The following RBMS3 variants were observed in gnomAD, a reference collection of about 807,000 sequenced individuals.
The protein encoded by RBMS3 is RNA binding motif single stranded interacting protein 3.
In RBMS3, 27 loss-of-function variants were observed where a neutral mutation model predicts 66.8. The ratio of observed to expected loss-of-function variants is 0.40; its 90% CI spans 0.30 to 0.56. The LOEUF (loss-of-function observed/expected upper bound fraction) is 0.56, where lower values mean the gene tolerates loss of function less well. Among genes scored for constraint, RBMS3 ranks in the 20% least tolerant of loss-of-function variants. RBMS3 has a pLI of 0.40. For missense variants in RBMS3, 513 were observed against 549.5 expected (o/e 0.93, Z 0.66); for synonymous variants, 188 against 183.0 (o/e 1.03, Z -0.22).
At chr3:29,360,025 GT>G (rs1168508979) in intron 1 of RBMS3, among the ~76,000 whole-genome samples, 2 of 151,704 alleles carry the variant, frequency 1.3e-5, no homozygotes, top group African/African-American at 2.4e-5. Flanking sequence ...TTTTGGAAGG[GT>G]TTTTTTTGTC....
intron 2 of RBMS3, among the ~76,000 whole-genome samples, chr3:29,453,705 G>A (rs146325587): frequency 6.6e-6 from 1 of 152,318 alleles, no homozygotes; most frequent in Non-Finnish European, 1.5e-5. Context: ...CTTGGCAGCT[G>A]TGGCTGACAC....
At chr3:29,676,315 A>G (rs2051248980) in intron 4 of RBMS3, among the ~76,000 whole-genome samples, 1 of 152,188 alleles carries the variant, frequency 6.6e-6, no homozygotes, top group Non-Finnish European at 1.5e-5. Flanking sequence ...TAGGAGAAAT[A>G]CCTGATGTAA....
intron 4 of RBMS3, among the ~76,000 whole-genome samples, chr3:29,652,775 C>T (rs2050190893): frequency 6.6e-6 from 1 of 151,994 alleles, no homozygotes; most frequent in Non-Finnish European, 1.5e-5. Context: ...ATCTTTTTAC[C>T]AAGCCACATG....
chr3:29,748,736 C>T (rs984157416), intron 5 of RBMS3, among the ~76,000 whole-genome samples: 2 of 152,140 alleles, frequency 1.3e-5, no homozygotes, highest in South Asian at 4.1e-4. Context: ...TGAGTTTTCT[C>T]ATTTCCCTCC....
chr3:29,373,655 C>A (rs2038320382), intron 1 of RBMS3, among the ~76,000 whole-genome samples: 1 of 152,154 alleles, frequency 6.6e-6, no homozygotes. Flanking sequence ...ACCAAGCAAA[C>A]AAGTAGCAAG....
At chr3:29,697,690 T>C (rs2052343894) in intron 4 of RBMS3, among the ~76,000 whole-genome samples, 1 of 152,260 alleles carries the variant, frequency 6.6e-6, no homozygotes, top group Admixed American at 6.5e-5. Context: ...AGTTTGTTTA[T>C]GTTTCATATA....
chr3:29,590,970 C>A (rs911165616), intron 4 of RBMS3, among the ~76,000 whole-genome samples: 1 of 152,066 alleles, frequency 6.6e-6, no homozygotes, highest in Non-Finnish European at 1.5e-5. Context: ...GATGAAGGAG[C>A]AGTATGGCTG....
At chr3:29,868,753 T>C in intron 6 of RBMS3, 105 bp from the exon 7 acceptor site, 2 of 992,364 alleles carry the variant, frequency 2.0e-6, no homozygotes. Flanking sequence ...AGAAGCAAGA[T>C]GTTACTTCAA....
intron 4 of RBMS3, among the ~76,000 whole-genome samples, chr3:29,704,668 A>G (rs1017917596): frequency 6.6e-6 from 1 of 152,194 alleles, no homozygotes; most frequent in African/African-American, 2.4e-5. Context: ...TTTCTTCCTT[A>G]GCTCTGCAGT....
At chr3:29,651,405 T>G (rs949298523) in intron 4 of RBMS3, among the ~76,000 whole-genome samples, 4 of 152,188 alleles carry the variant, frequency 2.6e-5, no homozygotes, top group Non-Finnish European at 5.9e-5. Flanking sequence ...TTTGAACAAG[T>G]TAAATTGGTG....
At chr3:29,492,389 A>G (rs1184465720) in intron 3 of RBMS3, among the ~76,000 whole-genome samples, 1 of 152,058 alleles carries the variant, frequency 6.6e-6, no homozygotes, top group East Asian at 1.9e-4. Flanking sequence ...GACCAAGGGA[A>G]TAATAGGAGA....
chr3:29,565,161 T>C lies in RBMS3; in HGVS notation c.308-21953T>C, dbSNP rs535959201. 1.2e-4 allele frequency among the ~76,000 whole-genome samples: 19 copies of C among 152,172 alleles called. 1 individual carries two copies. The highest frequency in any genetic ancestry group is 2.4e-4 in the Non-Finnish European group (16 of 68,020). ...AATTTATTCTCCCCTCATCACCAGT[T>C]TAGGAAAGGAAAGTTAAATTATGTT... On this transcript the variant is annotated intron_variant, in intron 3 of 14. Transcript: ENST00000383767.
At chr3:29,834,995 C>G (rs758028950) in intron 6 of RBMS3, among the ~76,000 whole-genome samples, 2 of 151,916 alleles carry the variant, frequency 1.3e-5, no homozygotes, top group Non-Finnish European at 2.9e-5. Flanking sequence ...ATATTTCTAT[C>G]AGACAAAATG....
At chr3:29,812,815 A>G (rs1277718430) in intron 6 of RBMS3, among the ~76,000 whole-genome samples, 1 of 152,154 alleles carries the variant, frequency 6.6e-6, no homozygotes, top group African/African-American at 2.4e-5. Context: ...CTCCTACTTC[A>G]TGAATAAAGT....
intron 4 of RBMS3, among the ~76,000 whole-genome samples, chr3:29,712,790 G>T (rs1033316932): frequency 3.3e-5 from 5 of 152,072 alleles, no homozygotes; most frequent in Admixed American, 2.6e-4. Context: ...AGAACTTCAG[G>T]TTCAAACTTC....
chr3:29,770,761 G>A (rs560919851), intron 6 of RBMS3, among the ~76,000 whole-genome samples: 7 of 151,910 alleles, frequency 4.6e-5, no homozygotes, highest in South Asian at 4.1e-4. Context: ...GTGTCTGTCC[G>A]GATGAGTCCT....
chr3:29,836,541 CA>C (rs1298300329), intron 6 of RBMS3, among the ~76,000 whole-genome samples: 5 of 151,894 alleles, frequency 3.3e-5, no homozygotes, highest in African/African-American at 1.2e-4. Flanking sequence ...GGATCGTTAC[CA>C]GGGGTATAGA....
chr3:29,594,061 C>A (rs1344219807), intron 4 of RBMS3, among the ~76,000 whole-genome samples: 1 of 152,092 alleles, frequency 6.6e-6, no homozygotes, highest in Non-Finnish European at 1.5e-5. Context: ...GAAAACTATA[C>A]TTATATTTAA....
At chr3:29,507,977 A>AT (rs2044249719) in intron 3 of RBMS3, among the ~76,000 whole-genome samples, 1 of 152,112 alleles carries the variant, frequency 6.6e-6, no homozygotes, top group South Asian at 2.1e-4. Context: ...AGAAAAACTC[A>AT]TTTTTTCAAT....
Sources: gnomAD v4.1 joint callset for allele counts (sites outside exome capture counted in the v4.1 genomes callset) on GRCh38, gnomAD v4.1.1 for gene constraint, MANE v1.5 for transcripts, NCBI Gene and HGNC (gene_info 2026-07-23, HGNC 2026-07-21) for gene names.